The following TLCD2 variants were observed in gnomAD, a reference collection of about 807,000 sequenced individuals.
TLCD2 encodes the protein TLC domain-containing protein 2.
A neutral mutation model predicts 14.0 loss-of-function variants in TLCD2; 12 were observed. That is an observed-to-expected ratio of 0.86 (90% CI 0.55 to 1.39). The LOEUF (loss-of-function observed/expected upper bound fraction) is 1.39, where lower values mean the gene tolerates loss of function less well. TLCD2 is among the 40% of genes most tolerant of loss of function. The probability of loss-of-function intolerance (pLI) is 0.00; values close to 1 mark genes in which losing one functional copy is unlikely to be tolerated. For synonymous variants in TLCD2, 166 were observed against 156.5 expected (o/e 1.06, Z -0.45); for missense variants, 360 against 346.8 (o/e 1.04, Z -0.30).
intron 3 of TLCD2, among the ~76,000 whole-genome samples, chr17:1,708,538 G>A (rs983525291): frequency 7.2e-6 from 1 of 139,194 alleles, no homozygotes; most frequent in Non-Finnish European, 1.5e-5. Flanking sequence ...CCAGGCTGGA[G>A]TGCAGTGGTG....
chr17:1,709,685 T>A, intron 2 of TLCD2, 104 bp from the exon 3 acceptor site: 1 of 901,758 alleles, frequency 1.1e-6, no homozygotes, highest in Non-Finnish European at 1.6e-6. Context: ...TAGTTTTCCC[T>A]TGGTAAAGCC....
rs1914081330 is a variant in TLCD2, at chr17:1,707,799, T to TG, written c.765dup (p.Asn256GlnfsTer28). 1 of 1,509,318 alleles carries TG rather than the reference T, an allele frequency of 6.6e-7. No homozygotes were observed. Among genetic ancestry groups the TG allele is most frequent in the Admixed American group, 2.1e-5 (1 of 48,778 alleles). The allele number at this position is 1,509,318 out of a possible 1,614,324, so 93.5% of individuals were successfully genotyped here. A position where few individuals can be genotyped will look rare whatever the true frequency, so the allele number is the denominator to read the frequency against. ...TCTTTCAGGCTGAGAGTCGAACTGTTGCTGGTGACAGGTCCATTGTCACGA... is the reference window on the plus strand; with the variant it reads ...TCTTTCAGGCTGAGAGTCGAACTGTTGGCTGGTGACAGGTCCATTGTCACGA... On this transcript the variant is annotated frameshift_variant, in exon 4 of 4. Coordinates refer to ENST00000330676, the MANE Select transcript of TLCD2 (RefSeq NM_001164407.2). LOFTEE classifies it high-confidence loss of function.
chr17:1,709,532 G>A lies in TLCD2; in HGVS notation c.309C>T (p.Gly103=). 6.5e-7 allele frequency: 1 copy of A among 1,536,892 alleles called. No homozygotes were observed. Among genetic ancestry groups the A allele is most frequent in the East Asian group, 2.4e-5 (1 of 40,906 alleles). Residue 103 remains glycine (G), a synonymous_variant, in exon 3 of 4, where the codon GGC becomes GGT. Coordinates refer to ENST00000330676, the MANE Select transcript of TLCD2 (RefSeq NM_001164407.2). ...GATGACAGAGAAGATCCCAGGTCTT[G>A]CCCAAGGTCTGGTTCCACAGCAGGT... The part of the protein sequence containing the change: ...GADLLWNQTL[G]KTWDLLCHHL...
intron 3 of TLCD2, among the ~76,000 whole-genome samples, chr17:1,709,250 C>T (rs549333128): frequency 2.0e-5 from 3 of 151,956 alleles, no homozygotes; most frequent in South Asian, 2.1e-4. Flanking sequence ...ATTACTTGGG[C>T]GTGGTGGCGG....
chr17:1,709,825 C>A lies in TLCD2; in HGVS notation c.238G>T (p.Val80Leu). Reference sequence around the variant, plus strand: ...TCACCCACAGACACAGCCACCAGCACCAGAGCCCAGCGCGGGTGGCCATGG... The same window carrying A: ...TCACCCACAGACACAGCCACCAGCAACAGAGCCCAGCGCGGGTGGCCATGG... Reference protein sequence around the residue: ...PIHGHPRWALVLVAVSVGYFL... With the variant: ...PIHGHPRWALLLVAVSVGYFL... Residue 80 changes from valine to leucine, a missense_variant, in exon 2 of 4, where the codon GTG becomes TTG. Coordinates refer to ENST00000330676, the MANE Select transcript of TLCD2 (RefSeq NM_001164407.2). The A allele has an allele frequency of 6.5e-7, 1 of 1,534,728 alleles. No individual in the cohort carries two copies. The highest frequency in any genetic ancestry group is 8.7e-7 in the Non-Finnish European group (1 of 1,146,048).
rs958035407 is a variant in TLCD2, at chr17:1,706,641, C to T, written c.*1129G>A. 4 of 150,562 alleles carry T rather than the reference C, an allele frequency of 2.7e-5. No individual in the cohort carries two copies. Among genetic ancestry groups the T allele is most frequent in the Non-Finnish European group, 4.4e-5 (3 of 67,772 alleles). 9.3% of individuals were successfully genotyped at this position (150,562 alleles called of 1,614,324 possible). On this transcript the variant is annotated 3_prime_UTR_variant, in exon 4 of 4. Transcript: ENST00000330676. ...AATTAGCCTGGTGCAGTGGCGTGCA[C>T]CTGTAGTCCCAGCTACTTGGGAGGC...
At position 1,708,202 on chromosome 17, in the gene TLCD2, G is replaced by A. The variant is rs1179416078; in HGVS notation, c.363C>T (p.Thr121=). ...HHLVVVSCLS[T]AVLSGHYVGF... ...CCACGTAGTGGCCAGACAGAACAGCGGTGCTGAGGCAGCTCACCACCTGGG... is the reference window on the plus strand; with the variant it reads ...CCACGTAGTGGCCAGACAGAACAGCAGTGCTGAGGCAGCTCACCACCTGGG... The change falls in exon 4 of 4, where the codon ACC becomes ACT. Residue 121 remains threonine, a synonymous_variant. Coordinates refer to ENST00000330676, the MANE Select transcript of TLCD2 (RefSeq NM_001164407.2). 28 of 1,529,754 alleles carry A rather than the reference G, an allele frequency of 1.8e-5. No homozygotes were observed. Among genetic ancestry groups the A allele is most frequent in the Middle Eastern group, 1.8e-4 (1 of 5,528 alleles). 94.8% of individuals were successfully genotyped at this position (1,529,754 alleles called of 1,614,324 possible). A position where few individuals can be genotyped will look rare whatever the true frequency, so the allele number is the denominator to read the frequency against.
chr17:1,709,872 G>C lies in TLCD2; in HGVS notation c.191C>G (p.Pro64Arg), dbSNP rs954764686. 5 of 1,534,588 alleles carry C rather than the reference G, an allele frequency of 3.3e-6. No individual in the cohort carries two copies. Among genetic ancestry groups the C allele is most frequent in the Non-Finnish European group, 4.4e-6 (5 of 1,146,636 alleles). Residue 64 changes from proline (P) to arginine (R), a missense_variant, in exon 2 of 4, where the codon CCT becomes CGT. Transcript: ENST00000330676. ...ATGGATGGGGTCGGCGGCCATCTGAGGGTACAGTGACAGGCTGGGGGCATG... is the reference window on the plus strand; with the variant it reads ...ATGGATGGGGTCGGCGGCCATCTGACGGTACAGTGACAGGCTGGGGGCATG... ...TGALLGLSLY[P>R]QMAADPIHGH...
rs1914018362 is a variant in TLCD2, at chr17:1,705,915, G to A, written c.*1855C>T. ...TTGTTCAACAGAAAAAAACGCAGCA[G>A]AAGCAGCAGGGAGGAAGAAGACTTT... is the stretch of plus-strand genomic sequence containing the variant. On this transcript the variant is annotated 3_prime_UTR_variant, in exon 4 of 4. Coordinates refer to ENST00000330676, the MANE Select transcript of TLCD2 (RefSeq NM_001164407.2). 6.6e-6 allele frequency: 1 copy of A among 152,050 alleles called. No homozygotes were observed. Among genetic ancestry groups the A allele is most frequent in the South Asian group, 2.1e-4 (1 of 4,822 alleles). 9.4% of individuals were successfully genotyped at this position (152,050 alleles called of 1,614,324 possible).
At chr17:1,709,909 T>G (rs1409789202) in intron 1 of TLCD2, 23 bp from the exon 2 acceptor site, 92 of 1,128,676 alleles carry the variant, frequency 8.2e-5, no homozygotes, top group Admixed American at 2.0e-4. Flanking sequence ...GGTGGGGACA[T>G]GGGGGGGGGC....
In TLCD2 at chr17:1,704,355, C is replaced by CA. The variant is rs1391432411; in HGVS notation, c.*3414_*3415insT. 6.6e-6 allele frequency: 1 copy of CA among 151,580 alleles called. No individual in the cohort carries two copies. The highest frequency in any genetic ancestry group is 6.6e-5 in the Admixed American group (1 of 15,174). The allele number at this position is 151,580 out of a possible 1,614,324, so 9.4% of individuals were successfully genotyped here. On this transcript the variant is annotated 3_prime_UTR_variant, in exon 4 of 4. Coordinates refer to ENST00000330676, the MANE Select transcript of TLCD2 (RefSeq NM_001164407.2). ...TCAACCACTCCTCCTACCTCGGCCTCCCAAAGTGCTGGGATTACAGGCGTG... is the reference window on the plus strand; with the variant it reads ...TCAACCACTCCTCCTACCTCGGCCTCACCAAAGTGCTGGGATTACAGGCGTG...
At position 1,710,015 on chromosome 17, in the gene TLCD2, G is replaced by A. The variant is rs1914172098; in HGVS notation, c.176+52C>T. 3 of 1,522,954 alleles carry A rather than the reference G, an allele frequency of 2.0e-6. No individual in the cohort carries two copies. The Admixed American group carries it at 6.0e-5, about 30-fold the overall frequency. 94.3% of individuals were successfully genotyped at this position (1,522,954 alleles called of 1,614,324 possible). ...ACGCCCGGCGGGTCTCCCGGCCTCA[G>A]CCTCCCACCCCTCGCCCTCGCCCCG... is the stretch of plus-strand genomic sequence containing the variant. On this transcript the variant is annotated intron_variant, in intron 1 of 3. Coordinates refer to ENST00000330676, the MANE Select transcript of TLCD2 (RefSeq NM_001164407.2). This position sits in a 1 kb window ranked among gnomAD's most constrained non-coding sequence, Gnocchi z 6.1.
At chr17:1,708,329 C>T (rs1914105344) in intron 3 of TLCD2, 107 bp from the exon 4 acceptor site, 2 of 830,392 alleles carry the variant, frequency 2.4e-6, no homozygotes, top group East Asian at 2.7e-5. Flanking sequence ...GTGGGGCTCC[C>T]CAAACACCTG....
Position 1,709,501 on chromosome 17 carries a change from C to A in TLCD2, c.340G>T (p.Val114Leu), listed in dbSNP as rs896093523. ...KTWDLLCHHL[V>L]VVSCLSTAVL... is the part of the protein sequence containing the mutation. ...GGCTTCTGCCCTCAGAGTCTCACCA[C>A]CAAATGATGACAGAGAAGATCCCAG... is the stretch of plus-strand genomic sequence containing the variant. The change falls in exon 3 of 4, where the codon GTG (valine) becomes TTG (leucine). Residue 114 changes from valine to leucine, a missense_variant and splice_region_variant. Physicochemically the swap from Val to Leu is conservative, Grantham distance 32 (BLOSUM62 1). Transcript: ENST00000330676. The A allele has an allele frequency of 2.0e-6, 3 of 1,536,576 alleles. No individual in the cohort carries two copies. Among genetic ancestry groups the A allele is most frequent in the African/African-American group, 2.7e-5 (2 of 72,914 alleles).
rs1010063819 is a variant in TLCD2 at position 1,703,848 on chromosome 17, G to A, written c.*3922C>T. 1 of 152,046 alleles carries A rather than the reference G, an allele frequency of 6.6e-6. No individual in the cohort carries two copies. The highest frequency in any genetic ancestry group is 1.9e-4 in the East Asian group (1 of 5,196). 9.4% of individuals were successfully genotyped at this position (152,046 alleles called of 1,614,324 possible). A position where few individuals can be genotyped will look rare whatever the true frequency, so the allele number is the denominator to read the frequency against. Reference sequence around the variant, plus strand: ...TATTTCTTTTTCTTTAAAAACTCAAGGCAGACAACATTTTTGTTAATCAAG... The same window carrying A: ...TATTTCTTTTTCTTTAAAAACTCAAAGCAGACAACATTTTTGTTAATCAAG... On this transcript the variant is annotated 3_prime_UTR_variant, in exon 4 of 4. Transcript: ENST00000330676.
At chr17:1,709,256 G>A (rs941889389) in intron 3 of TLCD2, among the ~76,000 whole-genome samples, 2 of 152,038 alleles carry the variant, frequency 1.3e-5, no homozygotes, top group African/African-American at 4.8e-5. Context: ...TGGGCGTGGT[G>A]GCGGGTGCCT....
At chr17:1,709,772 C>T in intron 2 of TLCD2, 32 bp downstream of exon 2, 7 of 1,433,196 alleles carry the variant, frequency 4.9e-6, no homozygotes, top group Non-Finnish European at 5.7e-6. Context: ...GCCCCATCCC[C>T]ACCACCGGCC....
chr17:1,709,389 CAAAAAAAAAAAAAAAA>C, intron 3 of TLCD2, 94 bp downstream of exon 3: 6 of 296,774 alleles, frequency 2.0e-5, no homozygotes, highest in East Asian at 7.4e-5. Context: ...GACTCCGTCT[CAAAAAAAAAAAAAAAA>C]AAAAAAAAAA....
intron 2 of TLCD2, 64 bp from the exon 3 acceptor site, chr17:1,709,645 G>A: frequency 7.3e-7 from 1 of 1,367,618 alleles, no homozygotes; most frequent in Non-Finnish European, 1.0e-6. Flanking sequence ...AGGATTTCCA[G>A]CCCCCCCGCC....
Sources: allele counts gnomAD v4.1 joint callset (sites outside exome capture counted in the v4.1 genomes callset), GRCh38; gene constraint gnomAD v4.1.1; non-coding constraint Gnocchi (gnomAD v3.1); transcripts MANE v1.5; gene names NCBI Gene and HGNC (gene_info 2026-07-23, HGNC 2026-07-21).